Variants in SRGAP3 observed in about 807,000 individuals in gnomAD.
The protein encoded by SRGAP3 is SLIT-ROBO Rho GTPase activating protein 3.
A neutral mutation model predicts 121.1 loss-of-function variants in SRGAP3; 39 were observed. The observed-to-expected ratio is 0.32, with a 90% confidence interval of 0.25 to 0.42. SRGAP3 has a LOEUF of 0.42. SRGAP3 is among the 10% of genes least tolerant of loss of function. SRGAP3 has a pLI of 1.00. For synonymous variants in SRGAP3, 601 were observed against 570.0 expected, an observed-to-expected ratio of 1.05 and a Z score of -0.77; for missense variants, 1,213 against 1,470.6, an observed-to-expected ratio of 0.82 and a Z score of 2.86.
chr3:8,985,916 A>G lies in SRGAP3; in HGVS notation c.2903T>C (p.Met968Thr). Residue 968 changes from methionine to threonine, a missense_variant, in exon 22 of 22, where the codon ATG becomes ACG. This residue lies in a region of SRGAP3 where 420 missense variants were observed against 437.7 expected (regional missense o/e 0.96). Transcript: ENST00000383836. The surrounding 1 kb of genome is among the most constrained non-coding windows in gnomAD (Gnocchi z 5.1). ...EALAEDIEKT[M>T]STALHELREL... is the part of the protein sequence containing the mutation. Reference sequence around the variant, plus strand: ...CCGCAACTCGTGCAGAGCCGTGCTCATGGTCTTCTCGATGTCCTGGGGACA... The same window carrying G: ...CCGCAACTCGTGCAGAGCCGTGCTCGTGGTCTTCTCGATGTCCTGGGGACA... 1 of 1,599,590 alleles carries G rather than the reference A, an allele frequency of 6.3e-7. No homozygotes were observed. Among genetic ancestry groups the G allele is most frequent in the Non-Finnish European group, 8.5e-7 (1 of 1,179,910 alleles).
intron 1 of SRGAP3, among the ~76,000 whole-genome samples, chr3:9,361,159 G>C (rs1575037215): frequency 6.6e-6 from 1 of 152,248 alleles, no homozygotes; most frequent in East Asian, 1.9e-4. Context: ...CTGAAGTGCA[G>C]TGATGTGATC....
chr3:9,230,417 C>T (rs186105611), intron 1 of SRGAP3, among the ~76,000 whole-genome samples: 69 of 152,330 alleles, frequency 4.5e-4, no homozygotes, highest in African/African-American at 1.6e-3. Flanking sequence ...AATTAAAACA[C>T]TGAACAGGAG....
intron 4 of SRGAP3, among the ~76,000 whole-genome samples, chr3:9,067,252 GA>G (rs34967668): frequency 0.88 from 133,376 of 151,964 alleles, 58,915 homozygotes; most frequent in African/African-American, 0.96. Context: ...TAACTAATGT[GA>G]AAAAAAATAT....
At chr3:9,064,602 G>T in intron 4 of SRGAP3, 21 bp from the exon 5 acceptor site, 2 of 1,613,708 alleles carry the variant, frequency 1.2e-6, no homozygotes, top group Non-Finnish European at 1.7e-6. Flanking sequence ...ACAAGTAGGG[G>T]AAATCAGCAG....
At chr3:9,162,227 G>A (rs1950623635) in intron 1 of SRGAP3, among the ~76,000 whole-genome samples, 1 of 152,124 alleles carries the variant, frequency 6.6e-6, no homozygotes, top group African/African-American at 2.4e-5. Flanking sequence ...GGTGACAGTT[G>A]CACAAGAATT....
At chr3:9,168,664 G>A (rs144728698) in intron 1 of SRGAP3, among the ~76,000 whole-genome samples, 38 of 152,354 alleles carry the variant, frequency 2.5e-4, no homozygotes, top group Admixed American at 3.9e-4. Flanking sequence ...GTACGTGCTT[G>A]GAGGCAAGCC....
intron 10 of SRGAP3, among the ~76,000 whole-genome samples, chr3:9,039,987 G>T (rs1389305370): frequency 2.0e-5 from 3 of 152,130 alleles, no homozygotes; most frequent in Non-Finnish European, 4.4e-5. Flanking sequence ...TCAATAAGTG[G>T]ATATCCACCT....
chr3:9,046,480 C>G (rs1448993139), intron 10 of SRGAP3, among the ~76,000 whole-genome samples: 4 of 152,184 alleles, frequency 2.6e-5, no homozygotes, highest in Non-Finnish European at 5.9e-5. Flanking sequence ...CTGATGAGGT[C>G]AGGGAAGCAG....
chr3:9,345,328 CAAAAAT>C (rs1262278099), intron 1 of SRGAP3, among the ~76,000 whole-genome samples: 1 of 151,464 alleles, frequency 6.6e-6, no homozygotes. Flanking sequence ...CCTGTCCCTG[CAAAAAT>C]AAAAATAAAC....
chr3:9,058,788 C>T lies in SRGAP3; in HGVS notation c.802-316G>A, dbSNP rs375689111. On this transcript the variant is annotated intron_variant, in intron 6 of 21. Transcript: ENST00000383836. Reference sequence around the variant, plus strand: ...AGGCTGGAGTGCAGTGGCACGATCTCGGCTCACTGCTACCTCCGCCTCCCG... The same window carrying T: ...AGGCTGGAGTGCAGTGGCACGATCTTGGCTCACTGCTACCTCCGCCTCCCG... The T allele has an allele frequency of 2.5e-5, 8 of 324,842 alleles. No individual in the cohort carries two copies. In the East Asian group the frequency reaches 3.4e-4, roughly 14 times the overall value. The allele number at this position is 324,842 out of a possible 1,614,324, so 20.1% of individuals were successfully genotyped here. A position where few individuals can be genotyped will look rare whatever the true frequency, so the allele number is the denominator to read the frequency against.
chr3:9,252,768 T>G (rs1954047013), upstream of SRGAP3, among the ~76,000 whole-genome samples: 2 of 152,168 alleles, frequency 1.3e-5, no homozygotes, highest in African/African-American at 4.8e-5. Context: ...AGCCCACTTT[T>G]TCCTTGCTGT....
At chr3:9,125,091 G>A in intron 1 of SRGAP3, 174 bp from the exon 2 acceptor site, 2 of 722,400 alleles carry the variant, frequency 2.8e-6, no homozygotes, top group East Asian at 2.7e-5. Flanking sequence ...TTGGCACAAA[G>A]ATTTCTCTCT....
At chr3:9,172,221 G>C (rs1202123988) in intron 1 of SRGAP3, among the ~76,000 whole-genome samples, 2 of 151,472 alleles carry the variant, frequency 1.3e-5, no homozygotes, top group Non-Finnish European at 2.9e-5. Context: ...GGCCTCCTGA[G>C]TAACTGGGAC....
intron 12 of SRGAP3, among the ~76,000 whole-genome samples, chr3:9,029,977 CAA>C (rs142407625): frequency 3.7e-5 from 5 of 135,370 alleles, no homozygotes; most frequent in East Asian, 4.6e-4. Flanking sequence ...CCTGTCTCTA[CAA>C]AAAAAAAAAA....
chr3:9,188,778 C>T (rs766843904), intron 1 of SRGAP3, among the ~76,000 whole-genome samples: 1 of 152,162 alleles, frequency 6.6e-6, no homozygotes, highest in African/African-American at 2.4e-5. Context: ...AAGGGCAAGG[C>T]TCTCTGTGAA....
intron 1 of SRGAP3, among the ~76,000 whole-genome samples, chr3:9,160,310 G>A (rs900665153): frequency 2.5e-4 from 38 of 152,122 alleles, no homozygotes; most frequent in African/African-American, 8.7e-4. Context: ...CAAATGAATA[G>A]AATATGGCAG....
intron 1 of SRGAP3, among the ~76,000 whole-genome samples, chr3:9,141,129 G>T (rs1241771033): frequency 6.6e-6 from 1 of 152,092 alleles, no homozygotes; most frequent in East Asian, 1.9e-4. Flanking sequence ...TTTAGTTACT[G>T]CTGGCCCTGC....
intron 1 of SRGAP3, among the ~76,000 whole-genome samples, chr3:9,186,366 T>C (rs1477060024): frequency 6.6e-6 from 1 of 152,198 alleles, no homozygotes; most frequent in Non-Finnish European, 1.5e-5. Context: ...CTGAGTAATA[T>C]AAATCTTTCT....
intron 3 of SRGAP3, among the ~76,000 whole-genome samples, chr3:9,254,744 T>C (rs944767674): frequency 6.6e-6 from 1 of 150,970 alleles, no homozygotes; most frequent in African/African-American, 2.4e-5. Flanking sequence ...TGCAGTGAGC[T>C]GTGACTGCAA....
Sources: gnomAD v4.1 joint callset for allele counts (sites outside exome capture counted in the v4.1 genomes callset) on GRCh38, gnomAD v4.1.1 for gene constraint, gnomAD v4.1.1 regional missense constraint, Gnocchi (gnomAD v3.1) non-coding constraint, MANE v1.5 for transcripts, NCBI Gene and HGNC (gene_info 2026-07-23, HGNC 2026-07-21) for gene names.